KCNQ1: variants seen among roughly 807,000 people sequenced by gnomAD.
KCNQ1 encodes potassium voltage-gated channel subfamily Q member 1, also known as potassium voltage-gated channel subfamily KQT member 1.
A neutral mutation model predicts 72.4 loss-of-function variants in KCNQ1; 49 were observed. That is an observed-to-expected ratio of 0.68 (90% CI 0.54 to 0.86). The LOEUF (loss-of-function observed/expected upper bound fraction) is 0.86, where lower values mean the gene tolerates loss of function less well. KCNQ1 is among the 40% of genes least tolerant of loss of function. KCNQ1 has a pLI of 0.00. For synonymous variants in KCNQ1, 450 were observed against 412.6 expected (o/e 1.09, Z -1.10); for missense variants, 790 against 945.1 (o/e 0.84, Z 2.15).
At position 2,690,581 on chromosome 11, in the gene KCNQ1, A is replaced by C. The variant is rs942765232; in HGVS notation, c.1514+28500A>C. 1 of 398,554 alleles carries C rather than the reference A, an allele frequency of 2.5e-6. No homozygotes were observed. The highest frequency in any genetic ancestry group is 4.4e-6 in the Non-Finnish European group (1 of 226,084). The allele number at this position is 398,554 out of a possible 1,614,324, so 24.7% of individuals were successfully genotyped here. On this transcript the variant is annotated intron_variant, in intron 11 of 15. Transcript: ENST00000155840. The surrounding 1 kb of genome is among the most constrained non-coding windows in gnomAD (Gnocchi z 5.1). ...ACATGTCAAAGATGGGACAGAACCC[A>C]CCTCCTGGCAGGGAGTGGGGCACAC... is the stretch of plus-strand genomic sequence containing the variant.
Position 2,579,262 on chromosome 11 carries a change from G to T in KCNQ1, c.922-4173G>T, listed in dbSNP as rs955615753. Among the ~76,000 whole-genome samples, 3 of 152,194 alleles carry T rather than the reference G, an allele frequency of 2.0e-5. No homozygotes were observed. Among genetic ancestry groups the T allele is most frequent in the Non-Finnish European group, 4.4e-5 (3 of 68,028 alleles). ...TGTTTCTCAGGGAGGAACATGGGGG[G>T]ACTAGAAGGCTCCCCATGCCTCCCG... On this transcript the variant is annotated intron_variant, in intron 6 of 15. Transcript: ENST00000155840. The surrounding 1 kb of genome is among the most constrained non-coding windows in gnomAD (Gnocchi z 6.0).
chr11:2,782,309 T>G lies in KCNQ1; in HGVS notation c.1794+4272T>G, dbSNP rs531977155. On this transcript the variant is annotated intron_variant, in intron 15 of 15. Transcript: ENST00000155840. The surrounding 1 kb of genome is among the most constrained non-coding windows in gnomAD (Gnocchi z 6.1). ...CCCACCAATCCTTCACATTGTATAT[T>G]ATTTCTTAAACACTGCTGAAATCTC... Among the ~76,000 whole-genome samples, 1 of 152,344 alleles carries G rather than the reference T, an allele frequency of 6.6e-6. No homozygotes were observed. The highest frequency in any genetic ancestry group is 2.1e-4 in the South Asian group (1 of 4,830).
rs1847274311 is a variant in KCNQ1, at chr11:2,515,530, G to T, written c.387-12398G>T. On this transcript the variant is annotated intron_variant, in intron 1 of 15. Transcript: ENST00000155840. This position sits in a 1 kb window ranked among gnomAD's most constrained non-coding sequence, Gnocchi z 4.7. Reference sequence around the variant, plus strand: ...CAGCCGCCATCAGTGGGGGTGAGGGGACAAGGCTGCTGGGACCAGGCCTCG... The same window carrying T: ...CAGCCGCCATCAGTGGGGGTGAGGGTACAAGGCTGCTGGGACCAGGCCTCG... 6.6e-6 allele frequency among the ~76,000 whole-genome samples: 1 copy of T among 152,170 alleles called. No individual in the cohort carries two copies. Among genetic ancestry groups the T allele is most frequent in the Admixed American group, 6.5e-5 (1 of 15,284 alleles).
At chr11:2,819,656 T>C (rs915184150) in intron 15 of KCNQ1, among the ~76,000 whole-genome samples, 15 of 152,218 alleles carry the variant, frequency 9.9e-5, no homozygotes, top group Non-Finnish European at 1.5e-4. Flanking sequence ...GTCAGATAAG[T>C]TGAGCAACCT....
intron 10 of KCNQ1, chr11:2,619,286 A>C (rs1849123961): frequency 5.0e-6 from 2 of 398,436 alleles, no homozygotes; most frequent in Non-Finnish European, 8.8e-6. Flanking sequence ...GTTTTCCCTC[A>C]TTGATTATAA....
Position 2,733,857 on chromosome 11 carries a change from C to CTCTCTCTCTCTCTCTCTCT in KCNQ1, c.1515-34987_1515-34986insTCTCTCTCTCTCTCTCTCT. Among the ~76,000 whole-genome samples, 184 of 76,228 alleles carry CTCTCTCTCTCTCTCTCTCT rather than the reference C, an allele frequency of 2.4e-3. 8 individuals carry two copies. Among genetic ancestry groups the CTCTCTCTCTCTCTCTCTCT allele is most frequent in the Non-Finnish European group, 2.7e-3 (107 of 39,436 alleles). The allele number at this position is 76,228 out of a possible 152,430, so 50.0% of individuals were successfully genotyped here. ...TCTCTCTCTCTCTCTCTCTCTCTCT[C>CTCTCTCTCTCTCTCTCTCT]CCCCCCCACTTCAGGGCCTTCGCGC... is the stretch of plus-strand genomic sequence containing the variant. On this transcript the variant is annotated intron_variant, in intron 11 of 15. Transcript: ENST00000155840.
intron 1 of KCNQ1, among the ~76,000 whole-genome samples, chr11:2,517,520 G>A (rs1007564936): frequency 1.3e-5 from 2 of 152,202 alleles, no homozygotes; most frequent in African/African-American, 2.4e-5. Flanking sequence ...TCTCTGTCTG[G>A]CAGGACTCAG....
At position 2,498,941 on chromosome 11, in the gene KCNQ1, A is replaced by C. The variant is rs1016898560; in HGVS notation, c.387-28987A>C. Among the ~76,000 whole-genome samples, 2 of 152,150 alleles carry C rather than the reference A, an allele frequency of 1.3e-5. No homozygotes were observed. On this transcript the variant is annotated intron_variant, in intron 1 of 15. Transcript: ENST00000155840. The surrounding 1 kb of genome is among the most constrained non-coding windows in gnomAD (Gnocchi z 4.8). ...TTGATGGGTGCAGCAACTGCATGCAAACTGCATGTTTGCAGTTCCCTCGGC... is the reference window on the plus strand; with the variant it reads ...TTGATGGGTGCAGCAACTGCATGCACACTGCATGTTTGCAGTTCCCTCGGC...
chr11:2,739,220 C>A (rs930422893), intron 11 of KCNQ1, among the ~76,000 whole-genome samples: 1 of 152,190 alleles, frequency 6.6e-6, no homozygotes, highest in African/African-American at 2.4e-5. Flanking sequence ...TCCTGGCTGG[C>A]TCATACTTGG....
chr11:2,692,308 C>T, intron 11 of KCNQ1: 1 of 399,050 alleles, frequency 2.5e-6, no homozygotes, highest in Non-Finnish European at 4.4e-6. Flanking sequence ...CCCTCCATCC[C>T]TATTGCCACT....
In KCNQ1 at chr11:2,720,970, C is replaced by T. The variant is rs1851192349; in HGVS notation, c.1515-47874C>T. On this transcript the variant is annotated intron_variant, in intron 11 of 15. Coordinates refer to ENST00000155840, the MANE Select transcript of KCNQ1 (RefSeq NM_000218.3). The surrounding 1 kb of genome is among the most constrained non-coding windows in gnomAD (Gnocchi z 5.1). ...CCAGGGGCTCTCAGATTTCCAGGGA[C>T]TCGGGCAGGCACAGCTTTCCAGGCC... is the stretch of plus-strand genomic sequence containing the variant. 6.6e-6 allele frequency among the ~76,000 whole-genome samples: 1 copy of T among 152,116 alleles called. No homozygotes were observed. Among genetic ancestry groups the T allele is most frequent in the African/African-American group, 2.4e-5 (1 of 41,418 alleles).
Position 2,516,406 on chromosome 11 carries a change from T to C in KCNQ1, c.387-11522T>C, listed in dbSNP as rs1435882769. Among the ~76,000 whole-genome samples, 1 of 152,024 alleles carries C rather than the reference T, an allele frequency of 6.6e-6. No individual in the cohort carries two copies. Among genetic ancestry groups the C allele is most frequent in the Admixed American group, 6.6e-5 (1 of 15,262 alleles). On this transcript the variant is annotated intron_variant, in intron 1 of 15. Transcript: ENST00000155840. This position sits in a 1 kb window ranked among gnomAD's most constrained non-coding sequence, Gnocchi z 7.0. ...TTCTTGGGGGCCACCATAGAGCCTG[T>C]TTTTAAAGGGGATGTGGCGGCCAGC...
rs1414886096 is a variant in KCNQ1, at chr11:2,735,342, G to T, written c.1515-33502G>T. ...ACAGGCTAATGGCAATTGAGGCCCT[G>T]CCCGGTGGAGGGTGGGCCATGGCCG... On this transcript the variant is annotated intron_variant, in intron 11 of 15. Coordinates refer to ENST00000155840, the MANE Select transcript of KCNQ1 (RefSeq NM_000218.3). This position sits in a 1 kb window ranked among gnomAD's most constrained non-coding sequence, Gnocchi z 7.7. 2.6e-5 allele frequency among the ~76,000 whole-genome samples: 4 copies of T among 152,016 alleles called. No homozygotes were observed. The highest frequency in any genetic ancestry group is 5.9e-5 in the Non-Finnish European group (4 of 67,956).
At chr11:2,610,716 C>CTTTTTTTTTTTTTTTTTTTTTTTTT (rs1167505141) in intron 10 of KCNQ1, 5 of 230,186 alleles carry the variant, frequency 2.2e-5, no homozygotes, top group South Asian at 3.3e-4. Flanking sequence ...TCTTGGTTGG[C>CTTTTTTTTTTTTTTTTTTTTTTTTT]TTTTTTTTTT....
In KCNQ1 at chr11:2,494,130, A is replaced by G. The variant is rs1846874736; in HGVS notation, c.387-33798A>G. On this transcript the variant is annotated intron_variant, in intron 1 of 15. Coordinates refer to ENST00000155840, the MANE Select transcript of KCNQ1 (RefSeq NM_000218.3). This position sits in a 1 kb window ranked among gnomAD's most constrained non-coding sequence, Gnocchi z 4.6. ...AGCAATTATGAATGGGGATTCACTC[A>G]TGATTTGGCTCTCTGCTTGTCTATT... is the stretch of plus-strand genomic sequence containing the variant. Among the ~76,000 whole-genome samples the G allele has an allele frequency of 6.6e-6, 1 of 152,080 alleles. No individual in the cohort carries two copies. The highest frequency in any genetic ancestry group is 1.9e-4 in the East Asian group (1 of 5,194).
Position 2,759,004 on chromosome 11 carries a change from C to T in KCNQ1, c.1515-9840C>T, listed in dbSNP as rs116296161. On this transcript the variant is annotated intron_variant, in intron 11 of 15. Coordinates refer to ENST00000155840, the MANE Select transcript of KCNQ1 (RefSeq NM_000218.3). The surrounding 1 kb of genome is among the most constrained non-coding windows in gnomAD (Gnocchi z 4.4). ...CACGTGTGAACACAAGGCAGAGCCA[C>T]GCACACTGTACCAATGTCAATCTCC... Among the ~76,000 whole-genome samples, 111 of 152,186 alleles carry T rather than the reference C, an allele frequency of 7.3e-4. No individual in the cohort carries two copies. Among genetic ancestry groups the T allele is most frequent in the African/African-American group, 2.5e-3 (103 of 41,500 alleles).
In KCNQ1 at chr11:2,481,086, C is replaced by T. The variant is rs1261190928; in HGVS notation, c.386+35602C>T. The stretch of plus-strand genomic sequence containing the variant: ...ACATCATGTTGGATTTCACTCATAG[C>T]CACGAGAACGGGTGGTGGTCTCTTC... On this transcript the variant is annotated intron_variant, in intron 1 of 15. Transcript: ENST00000155840. This position sits in a 1 kb window ranked among gnomAD's most constrained non-coding sequence, Gnocchi z 4.6. Among the ~76,000 whole-genome samples, 1 of 152,222 alleles carries T rather than the reference C, an allele frequency of 6.6e-6. No homozygotes were observed. Among genetic ancestry groups the T allele is most frequent in the Non-Finnish European group, 1.5e-5 (1 of 68,046 alleles).
At chr11:2,512,261 G>A (rs1309422710) in intron 1 of KCNQ1, among the ~76,000 whole-genome samples, 2 of 152,180 alleles carry the variant, frequency 1.3e-5, no homozygotes, top group South Asian at 2.1e-4. Context: ...TACGGGTGCT[G>A]GAGCCGGGGC....
chr11:2,820,642 G>A (rs1847712917), intron 15 of KCNQ1, among the ~76,000 whole-genome samples: 1 of 152,156 alleles, frequency 6.6e-6, no homozygotes, highest in Admixed American at 6.5e-5. Flanking sequence ...GCACTAGGAT[G>A]GCCAATAATA....
Sources: allele counts gnomAD v4.1 joint callset (sites outside exome capture counted in the v4.1 genomes callset), GRCh38; gene constraint gnomAD v4.1.1; non-coding constraint Gnocchi (gnomAD v3.1); transcripts MANE v1.5; gene names NCBI Gene and HGNC (gene_info 2026-07-23, HGNC 2026-07-21).